The following PTPRD variants were observed in gnomAD, a reference collection of about 807,000 sequenced individuals.
The protein encoded by PTPRD is protein tyrosine phosphatase receptor type D, also known as receptor-type tyrosine-protein phosphatase delta.
A neutral mutation model predicts 214.5 loss-of-function variants in PTPRD; 34 were observed. The ratio of observed to expected loss-of-function variants is 0.16; its 90% CI spans 0.12 to 0.21. PTPRD has a LOEUF of 0.21. PTPRD is among the 10% of genes least tolerant of loss of function. PTPRD has a pLI of 1.00. For missense variants in PTPRD, 2,545 were observed against 2,398.7 expected (o/e 1.06, Z -1.27); for synonymous variants, 1,128 against 845.7 (o/e 1.33, Z -5.79).
chr9:10,247,303 C>T (rs905160521), intron 3 of PTPRD, among the ~76,000 whole-genome samples: 1 of 152,028 alleles, frequency 6.6e-6, no homozygotes, highest in Non-Finnish European at 1.5e-5. Context: ...TGATTAAGAT[C>T]CATGTTTCAG....
chr9:10,201,186 G>A (rs755463457), intron 3 of PTPRD, among the ~76,000 whole-genome samples: 2 of 151,808 alleles, frequency 1.3e-5, no homozygotes, highest in African/African-American at 2.4e-5. Flanking sequence ...CTTCTGTGAA[G>A]GAAACCATTT....
At chr9:8,330,809 T>A (rs116632360) in intron 44 of PTPRD, among the ~76,000 whole-genome samples, 1,964 of 151,414 alleles carry the variant, frequency 0.013, 39 homozygotes, top group African/African-American at 0.045. Flanking sequence ...TTCTTTGATG[T>A]GCTGAAGCAA....
At chr9:10,000,789 CCTTTT>C (rs1236208690) in intron 4 of PTPRD, among the ~76,000 whole-genome samples, 3 of 152,186 alleles carry the variant, frequency 2.0e-5, no homozygotes, top group African/African-American at 7.2e-5. Context: ...TGATTCTCAC[CCTTTT>C]CTTGTCAGCA....
chr9:9,490,600 A>G (rs560070628), intron 8 of PTPRD, among the ~76,000 whole-genome samples: 2 of 152,186 alleles, frequency 1.3e-5, no homozygotes, highest in East Asian at 1.9e-4. Context: ...CAGTGGGGAC[A>G]TAGCTTTTAA....
At chr9:8,402,471 C>G (rs777665050) in intron 36 of PTPRD, among the ~76,000 whole-genome samples, 1 of 152,046 alleles carries the variant, frequency 6.6e-6, no homozygotes, top group Non-Finnish European at 1.5e-5. Flanking sequence ...ATTGAATGAC[C>G]TAATTCTTAG....
rs2097688112 is a variant in PTPRD at position 10,374,389 on chromosome 9, T to C, written c.-599-33372A>G. Among the ~76,000 whole-genome samples the C allele has an allele frequency of 2.6e-5, 4 of 152,052 alleles. No homozygotes were observed. In the South Asian group the frequency reaches 8.3e-4, roughly 32 times the overall value. ...ATTTGGCTGCTCTTGATAAACAACA[T>C]AACTAGTCCAGTTGGCTCTTCCCTT... On this transcript the variant is annotated intron_variant, in intron 2 of 45. Coordinates refer to ENST00000381196, the MANE Select transcript of PTPRD (RefSeq NM_002839.4).
rs943305034 is a variant in PTPRD at position 9,183,321 on chromosome 9, C to T, written c.-160G>A. ...GGACTCACCTTGAGTTAGCCACCGT[C>T]GGTGTTTTCAGACACAGTCCCTGGC... On this transcript the variant is annotated 5_prime_UTR_variant, in exon 10 of 46. Transcript: ENST00000381196. The T allele has an allele frequency of 2.6e-5, 4 of 151,898 alleles. No homozygotes were observed. The highest frequency in any genetic ancestry group is 4.4e-5 in the Non-Finnish European group (3 of 67,946). 9.4% of individuals were successfully genotyped at this position (151,898 alleles called of 1,614,324 possible). A position where few individuals can be genotyped will look rare whatever the true frequency, so the allele number is the denominator to read the frequency against.
chr9:9,888,641 C>T (rs2071930510), intron 5 of PTPRD, among the ~76,000 whole-genome samples: 1 of 152,080 alleles, frequency 6.6e-6, no homozygotes, highest in African/African-American at 2.4e-5. Context: ...GCCTGCTCTC[C>T]TTTACCTTCT....
intron 5 of PTPRD, among the ~76,000 whole-genome samples, chr9:9,871,429 C>G (rs1392530077): frequency 1.3e-5 from 2 of 152,146 alleles, no homozygotes; most frequent in Non-Finnish European, 2.9e-5. Context: ...TGATATTTTA[C>G]TGCAATATCC....
intron 6 of PTPRD, among the ~76,000 whole-genome samples, chr9:9,746,815 G>GTTT (rs35142513): frequency 2.4e-5 from 3 of 125,210 alleles, no homozygotes; most frequent in Admixed American, 7.9e-5. Context: ...TGCTTGAAAA[G>GTTT]TTTTTTTTTT....
intron 11 of PTPRD, among the ~76,000 whole-genome samples, chr9:8,888,806 G>T (rs1375512578): frequency 6.6e-6 from 1 of 152,198 alleles, no homozygotes. Flanking sequence ...TGACAGAGGA[G>T]TGGAGAGAAC....
At chr9:10,316,359 A>G (rs1176650277) in intron 3 of PTPRD, among the ~76,000 whole-genome samples, 2 of 151,802 alleles carry the variant, frequency 1.3e-5, no homozygotes, top group Non-Finnish European at 2.9e-5. Flanking sequence ...GTAACAGAAG[A>G]CACCGCAATT....
intron 3 of PTPRD, among the ~76,000 whole-genome samples, chr9:10,307,318 A>G (rs954984985): frequency 6.6e-6 from 1 of 152,088 alleles, no homozygotes; most frequent in Non-Finnish European, 1.5e-5. Flanking sequence ...GAGTAAGAAC[A>G]TATGACATCT....
At chr9:9,537,885 T>C (rs572162143) in intron 8 of PTPRD, among the ~76,000 whole-genome samples, 24 of 152,102 alleles carry the variant, frequency 1.6e-4, no homozygotes, top group South Asian at 2.1e-4. Flanking sequence ...ATTAATTTTT[T>C]TCATATTTAA....
intron 17 of PTPRD, among the ~76,000 whole-genome samples, chr9:8,526,289 G>T (rs1251165514): frequency 6.7e-6 from 1 of 149,138 alleles, no homozygotes; most frequent in African/African-American, 2.5e-5. Flanking sequence ...AAAGAAAAAG[G>T]AAAAAGGAAG....
At chr9:9,621,891 A>G (rs2382036) in intron 7 of PTPRD, among the ~76,000 whole-genome samples, 2,295 of 152,210 alleles carry the variant, frequency 0.015, 65 homozygotes, top group African/African-American at 0.053. Flanking sequence ...TATTTTTACA[A>G]CATATTCCTC....
chr9:9,499,311 A>G (rs1409713215), intron 8 of PTPRD, among the ~76,000 whole-genome samples: 1 of 152,122 alleles, frequency 6.6e-6, no homozygotes, highest in African/African-American at 2.4e-5. Flanking sequence ...ATGTGCATTC[A>G]TGGCAGGGAA....
chr9:9,343,985 G>C (rs1362394475), intron 9 of PTPRD, among the ~76,000 whole-genome samples: 3 of 151,998 alleles, frequency 2.0e-5, no homozygotes, highest in Admixed American at 2.0e-4. Context: ...TCCTAACTGA[G>C]CTTGCACACA....
At chr9:8,481,547 A>C (rs1337234794) in intron 30 of PTPRD, among the ~76,000 whole-genome samples, 2 of 151,874 alleles carry the variant, frequency 1.3e-5, no homozygotes, top group Non-Finnish European at 2.9e-5. Flanking sequence ...CCACTTTTTG[A>C]ATTTTTCTCC....
Sources: gnomAD v4.1 joint callset for allele counts (sites outside exome capture counted in the v4.1 genomes callset) on GRCh38, gnomAD v4.1.1 for gene constraint, MANE v1.5 for transcripts, NCBI Gene and HGNC (gene_info 2026-07-23, HGNC 2026-07-21) for gene names.